The following GTPBP10 variants were observed in gnomAD, a reference collection of about 807,000 sequenced individuals.
GTPBP10 encodes the protein GTP binding protein 10.
GTPBP10 carries 38 observed loss-of-function variants against 44.8 expected under a neutral mutation model. The observed-to-expected ratio is 0.85, with a 90% CI of 0.65 to 1.11. The LOEUF is 1.11. Among genes scored for constraint, GTPBP10 ranks in the 50% most tolerant of loss-of-function variants. The pLI is 0.00. For synonymous variants in GTPBP10, 152 were observed against 150.6 expected (o/e 1.01, Z -0.07); for missense variants, 462 against 453.7 (o/e 1.02, Z -0.17).
In GTPBP10 at chr7:90,354,546, A is replaced by G; in HGVS notation, c.316A>G (p.Ile106Val). 1 of 1,529,722 alleles carries G rather than the reference A, an allele frequency of 6.5e-7. No individual in the cohort carries two copies. The highest frequency in any genetic ancestry group is 9.0e-7 in the Non-Finnish European group (1 of 1,116,886). 94.8% of individuals were successfully genotyped at this position (1,529,722 alleles called of 1,614,324 possible). A position where few individuals can be genotyped will look rare whatever the true frequency, so the allele number is the denominator to read the frequency against. Residue 106 changes from isoleucine to valine, a missense_variant, in exon 3 of 10, where the codon ATA (isoleucine) becomes GTA (valine). Ile to Val is a conservative substitution (Grantham distance 29, BLOSUM62 3). Coordinates refer to ENST00000222511, the MANE Select transcript of GTPBP10 (RefSeq NM_033107.4). ...AGTAACTGATGAAAATGGTAAAATT[A>G]TAGGTGAGTGTACTATAACTCCAAA... The part of the protein sequence containing the change: ...ISVTDENGKI[I>V]GELNKENDRI...
Position 90,382,974 on chromosome 7 carries a change from G to C in GTPBP10, c.796G>C (p.Glu266Gln), listed in dbSNP as rs1220647817. The change falls in exon 9 of 10, where the codon GAG becomes CAG. Residue 266 changes from glutamate (E) to glutamine (Q), a missense_variant. Glu to Gln is a conservative substitution (Grantham distance 29). Transcript: ENST00000222511. ...TTTAAAGGAGTTGGAATTGTACAAAGAGGAACTTCAGACAAAACCTGCACT... is the reference window on the plus strand; with the variant it reads ...TTTAAAGGAGTTGGAATTGTACAAACAGGAACTTCAGACAAAACCTGCACT... Reference protein sequence around the residue: ...LLTKELELYKEELQTKPALLA... With the variant: ...LLTKELELYKQELQTKPALLA... The C allele has an allele frequency of 3.2e-6, 5 of 1,578,078 alleles. No homozygotes were observed. The highest frequency in any genetic ancestry group is 4.3e-6 in the Non-Finnish European group (5 of 1,157,462).
chr7:90,346,889 C>T (rs1217581863), intron 1 of GTPBP10, 115 bp downstream of exon 1: 11 of 1,132,858 alleles, frequency 9.7e-6, no homozygotes, highest in Non-Finnish European at 1.5e-5. Context: ...CTTGGTTTTC[C>T]CATAGACTTC....
At chr7:90,370,351 T>G (rs879339866) in intron 4 of GTPBP10, among the ~76,000 whole-genome samples, 1 of 151,974 alleles carries the variant, frequency 6.6e-6, no homozygotes, top group Non-Finnish European at 1.5e-5. Flanking sequence ...TGTGTGTGTG[T>G]GTGTGTGTAT....
chr7:90,368,840 G>A (rs1018844933), intron 4 of GTPBP10, among the ~76,000 whole-genome samples: 5 of 152,242 alleles, frequency 3.3e-5, no homozygotes, highest in African/African-American at 9.6e-5. Flanking sequence ...CATTGCTGGC[G>A]AGGAGCTGCA....
chr7:90,365,458 C>G (rs1213081980), intron 4 of GTPBP10, among the ~76,000 whole-genome samples: 2 of 143,624 alleles, frequency 1.4e-5, no homozygotes, highest in Admixed American at 1.4e-4. Flanking sequence ...TCACTGCAAG[C>G]TCCGCCTCCC....
intron 4 of GTPBP10, among the ~76,000 whole-genome samples, chr7:90,365,642 C>G (rs1046517797): frequency 6.6e-6 from 1 of 152,108 alleles, no homozygotes; most frequent in Non-Finnish European, 1.5e-5. Context: ...TCCCAAAGTG[C>G]TGGGATTACA....
intron 2 of GTPBP10, among the ~76,000 whole-genome samples, chr7:90,354,192 A>T (rs116846291): frequency 6.6e-6 from 1 of 152,152 alleles, no homozygotes; most frequent in Non-Finnish European, 1.5e-5. Flanking sequence ...GCAATATTTT[A>T]GTTTCGGGTT....
chr7:90,377,440 G>A, intron 6 of GTPBP10, 67 bp from the exon 7 acceptor site: 1 of 975,564 alleles, frequency 1.0e-6, no homozygotes, highest in South Asian at 1.6e-5. Flanking sequence ...TAAAAATTTT[G>A]GGATGTAATT....
chr7:90,383,963 C>G (rs1254521843), intron 9 of GTPBP10, among the ~76,000 whole-genome samples: 2 of 152,162 alleles, frequency 1.3e-5, no homozygotes, highest in East Asian at 3.8e-4. Flanking sequence ...ATAAATTACT[C>G]ATGGGATATA....
chr7:90,370,439 A>G (rs1216180056), intron 4 of GTPBP10, among the ~76,000 whole-genome samples: 1 of 152,122 alleles, frequency 6.6e-6, no homozygotes, highest in Non-Finnish European at 1.5e-5. Flanking sequence ...GAAGTAACTC[A>G]GGAACGGAAA....
At chr7:90,357,377 CA>C (rs1795923979) in intron 4 of GTPBP10, among the ~76,000 whole-genome samples, 1 of 152,050 alleles carries the variant, frequency 6.6e-6, no homozygotes, top group Middle Eastern at 3.2e-3. Flanking sequence ...ATTTGCTTTT[CA>C]AAAGCTATAA....
intron 4 of GTPBP10, among the ~76,000 whole-genome samples, chr7:90,360,391 T>C (rs1795992771): frequency 6.6e-6 from 1 of 152,260 alleles, no homozygotes; most frequent in Admixed American, 6.5e-5. Context: ...ATTTATTATA[T>C]AGAGAATCCT....
At chr7:90,374,380 A>G in intron 6 of GTPBP10, 26 bp downstream of exon 6, 4 of 1,441,752 alleles carry the variant, frequency 2.8e-6, no homozygotes, top group Non-Finnish European at 3.9e-6. Context: ...GTAAAACACT[A>G]TATTAGAAGT....
At chr7:90,360,410 T>G (rs1187873408) in intron 4 of GTPBP10, among the ~76,000 whole-genome samples, 4 of 152,228 alleles carry the variant, frequency 2.6e-5, no homozygotes, top group African/African-American at 4.8e-5. Context: ...CTATCCCCAT[T>G]TCTTGTTTTT....
intron 8 of GTPBP10, among the ~76,000 whole-genome samples, chr7:90,378,877 A>G (rs1419671585): frequency 6.6e-6 from 1 of 151,792 alleles, no homozygotes; most frequent in East Asian, 1.9e-4. Context: ...TAATTTTTGT[A>G]TTTTTAGTAG....
chr7:90,371,261 A>G, intron 4 of GTPBP10: 2 of 665,068 alleles, frequency 3.0e-6, no homozygotes, highest in Non-Finnish European at 3.7e-6. Context: ...TAGAGTGAAA[A>G]ATTGTAGACA....
At chr7:90,356,884 TC>T (rs1307236514) in intron 4 of GTPBP10, among the ~76,000 whole-genome samples, 6 of 152,204 alleles carry the variant, frequency 3.9e-5, no homozygotes, top group Non-Finnish European at 7.3e-5. Flanking sequence ...ACTAGGCTTT[TC>T]AGAAGTAGGT....
intron 6 of GTPBP10, among the ~76,000 whole-genome samples, chr7:90,376,003 G>T (rs1411195486): frequency 6.6e-6 from 1 of 151,280 alleles, no homozygotes; most frequent in Non-Finnish European, 1.5e-5. Context: ...AAGGCAGGCA[G>T]ATCACGAGGT....
At chr7:90,370,253 CAT>C (rs1486810658) in intron 4 of GTPBP10, among the ~76,000 whole-genome samples, 1 of 152,110 alleles carries the variant, frequency 6.6e-6, no homozygotes, top group Non-Finnish European at 1.5e-5. Flanking sequence ...TACCTGCACA[CAT>C]GTTTATCACA....
Sources: allele counts gnomAD v4.1 joint callset (sites outside exome capture counted in the v4.1 genomes callset), GRCh38; gene constraint gnomAD v4.1.1; transcripts MANE v1.5; gene names NCBI Gene and HGNC (gene_info 2026-07-23, HGNC 2026-07-21).